Variants in NMNAT2 observed in about 807,000 individuals in gnomAD.
The protein encoded by NMNAT2 is nicotinamide/nicotinic acid mononucleotide adenylyltransferase 2.
Under a neutral mutation model 41.6 loss-of-function variants are expected in NMNAT2, and 11 were observed. That is an observed-to-expected ratio of 0.26 (90% CI 0.17 to 0.44). NMNAT2 has a LOEUF of 0.44. Ranked by LOEUF, NMNAT2 falls within the 20% of genes least tolerant of loss-of-function variation. NMNAT2 has a pLI of 1.00. For synonymous variants in NMNAT2, 148 were observed against 151.2 expected (o/e 0.98, Z 0.16); for missense variants, 288 against 407.7 (o/e 0.71, Z 2.53).
chr1:183,410,383 A>C, intron 1 of NMNAT2, among the ~76,000 whole-genome samples: 1 of 151,968 alleles, frequency 6.6e-6, no homozygotes, highest in East Asian at 1.9e-4. Flanking sequence ...AAAAAGAAAA[A>C]ATCCACTTCA....
chr1:183,397,936 A>G (rs1376552498), intron 1 of NMNAT2, among the ~76,000 whole-genome samples: 2 of 152,180 alleles, frequency 1.3e-5, no homozygotes, highest in African/African-American at 4.8e-5. Context: ...GGAACAACTG[A>G]TACCAGCCAC....
chr1:183,385,810 T>C (rs976814515), intron 1 of NMNAT2, among the ~76,000 whole-genome samples: 1 of 152,254 alleles, frequency 6.6e-6, no homozygotes, highest in African/African-American at 2.4e-5. Context: ...GATATTGGAA[T>C]GATTCTCTGT....
At chr1:183,312,198 A>G (rs544670851) in intron 1 of NMNAT2, among the ~76,000 whole-genome samples, 1 of 152,228 alleles carries the variant, frequency 6.6e-6, no homozygotes, top group Admixed American at 6.5e-5. Flanking sequence ...AATAGAAGAT[A>G]ATAATTTTTT....
intron 1 of NMNAT2, among the ~76,000 whole-genome samples, chr1:183,294,515 G>A (rs981255384): frequency 1.2e-4 from 18 of 152,216 alleles, no homozygotes; most frequent in Admixed American, 2.6e-4. Context: ...AACAGGGGCC[G>A]GGTGTGGTGG....
At chr1:183,275,490 C>T (rs1165952363) in intron 8 of NMNAT2, among the ~76,000 whole-genome samples, 1 of 151,618 alleles carries the variant, frequency 6.6e-6, no homozygotes, top group Non-Finnish European at 1.5e-5. Flanking sequence ...GTCTGCTTCA[C>T]CCAAATCCTT....
chr1:183,357,902 T>A (rs972218430), intron 1 of NMNAT2, among the ~76,000 whole-genome samples: 13 of 152,242 alleles, frequency 8.5e-5, no homozygotes, highest in African/African-American at 3.1e-4. Context: ...TATATTTATA[T>A]ATTCCCAAAG....
chr1:183,332,825 C>A (rs1004233367), intron 1 of NMNAT2, among the ~76,000 whole-genome samples: 1 of 152,200 alleles, frequency 6.6e-6, no homozygotes, highest in Admixed American at 6.5e-5. Flanking sequence ...TCAGCCTCGC[C>A]CAGGTCGGGG....
At chr1:183,295,230 G>A (rs753618166) in intron 1 of NMNAT2, among the ~76,000 whole-genome samples, 2 of 152,126 alleles carry the variant, frequency 1.3e-5, no homozygotes, top group East Asian at 1.9e-4. Flanking sequence ...TCAAACTCCC[G>A]GCCTCAAGTG....
intron 1 of NMNAT2, among the ~76,000 whole-genome samples, chr1:183,313,061 T>C (rs2050700): frequency 0.72 from 109,790 of 151,960 alleles, 39,856 homozygotes; most frequent in East Asian, 0.92. Flanking sequence ...ACTCAGTCTC[T>C]CTAATTTCTC....
At chr1:183,386,840 G>T (rs1238905106) in intron 1 of NMNAT2, among the ~76,000 whole-genome samples, 1 of 151,940 alleles carries the variant, frequency 6.6e-6, no homozygotes, top group African/African-American at 2.4e-5. Context: ...TTATACAAAT[G>T]GACACATAGT....
intron 1 of NMNAT2, among the ~76,000 whole-genome samples, chr1:183,383,794 A>C (rs1489530473): frequency 6.6e-6 from 1 of 152,184 alleles, no homozygotes. Flanking sequence ...GACTTCACTG[A>C]CTGTATCACT....
At chr1:183,260,541 G>C (rs1029859434) in intron 10 of NMNAT2, among the ~76,000 whole-genome samples, 1 of 152,132 alleles carries the variant, frequency 6.6e-6, no homozygotes, top group Non-Finnish European at 1.5e-5. Flanking sequence ...GCTGGGGCCG[G>C]GCACAGTGGC....
chr1:183,369,190 T>G (rs1040822159), intron 1 of NMNAT2, among the ~76,000 whole-genome samples: 5 of 152,056 alleles, frequency 3.3e-5, no homozygotes, highest in African/African-American at 9.7e-5. Flanking sequence ...CTTAAGTGCT[T>G]AAAATGCATA....
intron 1 of NMNAT2, among the ~76,000 whole-genome samples, chr1:183,373,071 C>A (rs1205397000): frequency 6.6e-6 from 1 of 152,194 alleles, no homozygotes; most frequent in African/African-American, 2.4e-5. Context: ...GCTATTGGGC[C>A]AGAGAGCCCT....
intron 8 of NMNAT2, 141 bp from the exon 9 acceptor site, chr1:183,261,444 C>T (rs1660655337): frequency 2.8e-6 from 2 of 707,218 alleles, no homozygotes; most frequent in Non-Finnish European, 2.5e-6. Context: ...TCTTCTCAGC[C>T]CCATCAGCCA....
At chr1:183,355,724 C>T (rs1416318234) in intron 1 of NMNAT2, among the ~76,000 whole-genome samples, 1 of 152,228 alleles carries the variant, frequency 6.6e-6, no homozygotes, top group Non-Finnish European at 1.5e-5. Context: ...ACTCTGCTCC[C>T]TGGCTCACTC....
chr1:183,309,090 T>C (rs1205228836), intron 1 of NMNAT2, among the ~76,000 whole-genome samples: 2 of 152,164 alleles, frequency 1.3e-5, no homozygotes, highest in Non-Finnish European at 2.9e-5. Flanking sequence ...CGATCACAGC[T>C]CACTGTAGCC....
intron 1 of NMNAT2, among the ~76,000 whole-genome samples, chr1:183,311,919 G>A (rs1662132569): frequency 6.6e-6 from 1 of 152,082 alleles, no homozygotes; most frequent in African/African-American, 2.4e-5. Context: ...TCTCGTGATA[G>A]CAAGTAAGTC....
intron 8 of NMNAT2, among the ~76,000 whole-genome samples, chr1:183,275,821 C>T (rs1029754753): frequency 8.5e-5 from 13 of 152,052 alleles, no homozygotes; most frequent in Admixed American, 5.2e-4. Flanking sequence ...TACAGGAGCC[C>T]GCCACCACGC....
Sources: allele counts gnomAD v4.1 joint callset (sites outside exome capture counted in the v4.1 genomes callset), GRCh38; gene constraint gnomAD v4.1.1; transcripts MANE v1.5; gene names NCBI Gene and HGNC (gene_info 2026-07-23, HGNC 2026-07-21).